LARP1B: variants seen among roughly 807,000 people sequenced by gnomAD.
LARP1B encodes La ribonucleoprotein 1B, also known as la-related protein 1B.
LARP1B carries 76 observed loss-of-function variants against 114.2 expected under a neutral mutation model. The ratio of observed to expected loss-of-function variants is 0.67; its 90% CI spans 0.55 to 0.81. LARP1B has a LOEUF of 0.81. Ranked by LOEUF, LARP1B falls within the 30% of genes least tolerant of loss-of-function variation. The probability of loss-of-function intolerance (pLI) is 0.00; values close to 1 mark genes in which losing one functional copy is unlikely to be tolerated. For missense variants in LARP1B, 1,014 were observed against 1,075.8 expected, an observed-to-expected ratio of 0.94 and a Z score of 0.80; for synonymous variants, 345 against 348.0, an observed-to-expected ratio of 0.99 and a Z score of 0.10.
At chr4:128,148,729 A>G (rs1731390322) in intron 11 of LARP1B, among the ~76,000 whole-genome samples, 1 of 152,100 alleles carries the variant, frequency 6.6e-6, no homozygotes, top group Non-Finnish European at 1.5e-5. Context: ...CTCGGGGTTC[A>G]AGCAATTCTG....
At chr4:128,201,384 C>G (rs1364474622) in intron 17 of LARP1B, among the ~76,000 whole-genome samples, 3 of 152,160 alleles carry the variant, frequency 2.0e-5, no homozygotes, top group African/African-American at 7.2e-5. Flanking sequence ...TTACAGACTT[C>G]CCTTGCATGT....
At chr4:128,220,985 A>C (rs1759978953) in intron 7 of LARP1B, among the ~76,000 whole-genome samples, 1 of 152,252 alleles carries the variant, frequency 6.6e-6, no homozygotes, top group Non-Finnish European at 1.5e-5. Context: ...TAACAGCGTG[A>C]AATAGAACAC....
At chr4:128,073,810 C>G (rs1766685335) in intron 1 of LARP1B, among the ~76,000 whole-genome samples, 1 of 151,680 alleles carries the variant, frequency 6.6e-6, no homozygotes, top group South Asian at 2.1e-4. Context: ...AGGCTGGTCT[C>G]AAACTCCTGA....
chr4:128,073,572 GTTTTTTTTTTTTTTTTTTTTTT>G (rs568197117), intron 1 of LARP1B, among the ~76,000 whole-genome samples: 4 of 39,996 alleles, frequency 1.0e-4, no homozygotes, highest in Non-Finnish European at 1.5e-4. Flanking sequence ...TATTGTTGTC[GTTTTTTTTTTTTTTTTTTTTTT>G]TTTTTTTTTT....
At chr4:128,183,715 G>A (rs1749357668) in intron 15 of LARP1B, among the ~76,000 whole-genome samples, 1 of 152,136 alleles carries the variant, frequency 6.6e-6, no homozygotes, top group Admixed American at 6.5e-5. Flanking sequence ...AGCTGCCACA[G>A]CTAGTCATTC....
chr4:128,150,259 A>G (rs1265605472), intron 11 of LARP1B, among the ~76,000 whole-genome samples: 1 of 152,024 alleles, frequency 6.6e-6, no homozygotes, highest in Non-Finnish European at 1.5e-5. Context: ...ATAAAGGGAC[A>G]CATTCTATCT....
chr4:128,216,993 C>A (rs1759549032), intron 6 of LARP1B, among the ~76,000 whole-genome samples: 1 of 151,148 alleles, frequency 6.6e-6, no homozygotes, highest in South Asian at 2.1e-4. Flanking sequence ...TACAAACTAC[C>A]ATCAGAGAAT....
At chr4:128,095,883 CATT>C (rs1424854829) in intron 7 of LARP1B, among the ~76,000 whole-genome samples, 3 of 151,944 alleles carry the variant, frequency 2.0e-5, no homozygotes, top group Admixed American at 6.6e-5. Flanking sequence ...GCCCCATCAT[CATT>C]GATGTTATGT....
At chr4:128,142,240 A>G (rs1478309386) in intron 11 of LARP1B, among the ~76,000 whole-genome samples, 1 of 152,150 alleles carries the variant, frequency 6.6e-6, no homozygotes, top group African/African-American at 2.4e-5. Flanking sequence ...TGTGAATCTC[A>G]GGTGGGGATC....
chr4:128,074,218 G>A (rs1287943212), intron 1 of LARP1B, among the ~76,000 whole-genome samples: 2 of 152,204 alleles, frequency 1.3e-5, no homozygotes, highest in East Asian at 1.9e-4. Context: ...GGGATTACAG[G>A]CGTGAGCCAC....
Position 128,210,141 on chromosome 4 carries a change from A to C in LARP1B, c.*88A>C. ...TGAAAGTTCTTTGTCCTTGAAGTCA[A>C]CATTTACATCAGTATTTATTTGGGG... On this transcript the variant is annotated 3_prime_UTR_variant, in exon 20 of 20. Transcript: ENST00000326639. 1 of 1,590,284 alleles carries C rather than the reference A, an allele frequency of 6.3e-7. No homozygotes were observed. Among genetic ancestry groups the C allele is most frequent in the Non-Finnish European group, 8.6e-7 (1 of 1,166,124 alleles).
intron 8 of LARP1B, among the ~76,000 whole-genome samples, chr4:128,098,681 C>T (rs1026904179): frequency 2.2e-5 from 3 of 136,796 alleles, no homozygotes; most frequent in Admixed American, 7.9e-5. Flanking sequence ...TAGAGTACAA[C>T]GGCGCAATCA....
At chr4:128,161,882 T>G (rs1017633037) in intron 11 of LARP1B, among the ~76,000 whole-genome samples, 4 of 152,204 alleles carry the variant, frequency 2.6e-5, no homozygotes, top group Non-Finnish European at 5.9e-5. Flanking sequence ...TGTATTAGAT[T>G]ACTTTGTAAC....
At position 128,119,443 on chromosome 4, in the gene LARP1B, C is replaced by T. The variant is rs1213971008; in HGVS notation, c.1162-2383C>T. ...CAGCCCCAGTACACAAAACATGAGC[C>T]CTCTCTTGTCAAATCTTATTTTGTT... On this transcript the variant is annotated intron_variant, in intron 10 of 19. Transcript: ENST00000326639. 3.3e-5 allele frequency among the ~76,000 whole-genome samples: 5 copies of T among 152,116 alleles called. No individual in the cohort carries two copies. In the East Asian group the frequency reaches 9.6e-4, roughly 29 times the overall value.
intron 11 of LARP1B, among the ~76,000 whole-genome samples, chr4:128,156,893 A>G (rs1735995711): frequency 1.3e-5 from 2 of 148,686 alleles, no homozygotes; most frequent in African/African-American, 4.9e-5. Context: ...AAAAAACTGG[A>G]AAGAGAAGAA....
At chr4:128,107,610 CG>C in intron 9 of LARP1B, 1 of 1,389,738 alleles carries the variant, frequency 7.2e-7, no homozygotes, top group Non-Finnish European at 9.3e-7. Context: ...AGATATGTAT[CG>C]TTTTCCCCTG....
intron 11 of LARP1B, among the ~76,000 whole-genome samples, chr4:128,142,593 C>G (rs1364525321): frequency 6.6e-6 from 1 of 151,572 alleles, no homozygotes; most frequent in Non-Finnish European, 1.5e-5. Context: ...ACTGCAGCCT[C>G]TGCCTCCCGG....
At chr4:128,123,836 G>T (rs966790802) in intron 11 of LARP1B, 3 of 292,748 alleles carry the variant, frequency 1.0e-5, no homozygotes, top group African/African-American at 6.8e-5. Context: ...TTAAATTATA[G>T]ACAATAATTA....
chr4:128,139,932 A>T (rs1247988169), intron 11 of LARP1B, among the ~76,000 whole-genome samples: 1 of 152,242 alleles, frequency 6.6e-6, no homozygotes, highest in Non-Finnish European at 1.5e-5. Context: ...ATTTCCACTC[A>T]GGAATATATT....
Sources: gnomAD v4.1 joint callset for allele counts (sites outside exome capture counted in the v4.1 genomes callset) on GRCh38, gnomAD v4.1.1 for gene constraint, MANE v1.5 for transcripts, NCBI Gene and HGNC (gene_info 2026-07-23, HGNC 2026-07-21) for gene names.